NLGN1: variants seen among roughly 807,000 people sequenced by gnomAD.
NLGN1 encodes neuroligin-1.
NLGN1 carries 12 observed loss-of-function variants against 65.5 expected under a neutral mutation model. The ratio of observed to expected loss-of-function variants is 0.18; its 90% CI spans 0.12 to 0.30. NLGN1 has a LOEUF of 0.30. Among genes scored for constraint, NLGN1 ranks in the 10% least tolerant of loss-of-function variants. The pLI is 1.00. For missense variants in NLGN1, 750 were observed against 1,007.1 expected (o/e 0.74, Z 3.46); for synonymous variants, 350 against 359.5 (o/e 0.97, Z 0.30).
At chr3:174,167,970 T>G (rs952225513) in intron 4 of NLGN1, among the ~76,000 whole-genome samples, 1 of 152,096 alleles carries the variant, frequency 6.6e-6, no homozygotes, top group African/African-American at 2.4e-5. Flanking sequence ...ACTGAAATTA[T>G]TTTTTCTGTT....
At chr3:173,430,026 T>C (rs769978891) in intron 1 of NLGN1, among the ~76,000 whole-genome samples, 1 of 152,196 alleles carries the variant, frequency 6.6e-6, no homozygotes, top group Non-Finnish European at 1.5e-5. Context: ...CGGGCATTTA[T>C]GATGCTTCCT....
intron 2 of NLGN1, among the ~76,000 whole-genome samples, chr3:173,467,936 T>G (rs900721595): frequency 2.6e-5 from 4 of 152,120 alleles, no homozygotes; most frequent in African/African-American, 4.8e-5. Context: ...TTTGAGTAAA[T>G]TTTTGTTTTA....
Position 174,208,613 on chromosome 3 carries a change from A to T in NLGN1, c.647-66702A>T, listed in dbSNP as rs978259040. On this transcript the variant is annotated intron_variant, in intron 4 of 6. Coordinates refer to ENST00000457714, the Ensembl canonical transcript of NLGN1. ...TATTTATAAATCTGACAGCCTACTT[A>T]TATGTTGCCTTCAAAGAGGTACAAC... Among the ~76,000 whole-genome samples the T allele has an allele frequency of 8.6e-5, 13 of 151,520 alleles. No homozygotes were observed. The East Asian group carries it at 2.1e-3, about 25-fold the overall frequency.
intron 4 of NLGN1, among the ~76,000 whole-genome samples, chr3:173,857,699 T>G (rs1728272418): frequency 6.6e-6 from 1 of 151,696 alleles, no homozygotes; most frequent in Non-Finnish European, 1.5e-5. Flanking sequence ...ATCTTCAGGG[T>G]GTTACTCTTT....
intron 4 of NLGN1, among the ~76,000 whole-genome samples, chr3:174,062,142 C>A (rs1262314766): frequency 6.6e-6 from 1 of 151,960 alleles, no homozygotes; most frequent in Non-Finnish European, 1.5e-5. Flanking sequence ...TTAGGAATTT[C>A]AACTTAATTC....
chr3:173,797,693 C>CAAAAAAAAAAAAAAAA (rs1312419518), intron 3 of NLGN1, among the ~76,000 whole-genome samples: 1 of 56,450 alleles, frequency 1.8e-5, no homozygotes, highest in African/African-American at 5.3e-5. Flanking sequence ...ACAACAACAA[C>CAAAAAAAAAAAAAAAA]AACAACAAAA....
At chr3:173,904,229 A>T (rs368808826) in intron 4 of NLGN1, among the ~76,000 whole-genome samples, 14 of 152,180 alleles carry the variant, frequency 9.2e-5, no homozygotes, top group African/African-American at 3.4e-4. Context: ...TGATGTAAAT[A>T]TCTCCCTTTC....
chr3:174,258,765 A>G (rs1746277053), intron 4 of NLGN1, among the ~76,000 whole-genome samples: 1 of 152,188 alleles, frequency 6.6e-6, no homozygotes, highest in Non-Finnish European at 1.5e-5. Context: ...AATAAAGACC[A>G]ACGAACTGTT....
intron 2 of NLGN1, among the ~76,000 whole-genome samples, chr3:173,507,674 A>G (rs1196556023): frequency 2.0e-5 from 3 of 147,182 alleles, no homozygotes; most frequent in Non-Finnish European, 4.4e-5. Flanking sequence ...ACTTTCCCAA[A>G]TAGTGTGTGT....
intron 2 of NLGN1, among the ~76,000 whole-genome samples, chr3:173,455,674 G>T (rs1000933434): frequency 6.6e-6 from 1 of 151,904 alleles, no homozygotes; most frequent in Non-Finnish European, 1.5e-5. Flanking sequence ...GTATAATAAA[G>T]CAAACAACAA....
intron 3 of NLGN1, among the ~76,000 whole-genome samples, chr3:173,674,936 T>C (rs940309788): frequency 1.4e-4 from 22 of 151,912 alleles, no homozygotes; most frequent in African/African-American, 5.1e-4. Flanking sequence ...AAAAATTATA[T>C]TTTTTTCATG....
intron 2 of NLGN1, among the ~76,000 whole-genome samples, chr3:173,437,364 C>G (rs761511716): frequency 2.6e-5 from 4 of 152,182 alleles, no homozygotes; most frequent in Admixed American, 2.0e-4. Context: ...TGATTACTCA[C>G]TGTGACCAGA....
chr3:173,415,904 T>TATATATATATAC, intron 1 of NLGN1, among the ~76,000 whole-genome samples: 1 of 125,458 alleles, frequency 8.0e-6, no homozygotes, highest in Middle Eastern at 4.3e-3. Context: ...TATATATATA[T>TATATATATATAC]AGAGAGAGAG....
intron 4 of NLGN1, among the ~76,000 whole-genome samples, chr3:174,199,753 T>A (rs1278271225): frequency 2.0e-5 from 3 of 152,162 alleles, no homozygotes; most frequent in African/African-American, 7.2e-5. Flanking sequence ...TAGAATGGCA[T>A]TTATTAGATG....
chr3:173,796,674 C>T (rs1714147901), intron 3 of NLGN1, among the ~76,000 whole-genome samples: 1 of 152,118 alleles, frequency 6.6e-6, no homozygotes, highest in Non-Finnish European at 1.5e-5. Flanking sequence ...ATCACTTCTA[C>T]ACACTGGTTT....
At chr3:173,878,941 T>C (rs1422033186) in intron 4 of NLGN1, among the ~76,000 whole-genome samples, 1 of 151,898 alleles carries the variant, frequency 6.6e-6, no homozygotes, top group East Asian at 1.9e-4. Flanking sequence ...GTCAGAAATG[T>C]CTTATTGAGG....
chr3:174,126,317 C>A (rs574395669), intron 4 of NLGN1, among the ~76,000 whole-genome samples: 7 of 152,184 alleles, frequency 4.6e-5, no homozygotes, highest in South Asian at 4.1e-4. Flanking sequence ...TGAGGGCAAG[C>A]ACCAGACCAT....
intron 4 of NLGN1, among the ~76,000 whole-genome samples, chr3:174,218,049 CT>C (rs1737952697): frequency 6.6e-6 from 1 of 152,028 alleles, no homozygotes. Context: ...ACTCACAGCT[CT>C]TTTATGGCTT....
chr3:174,170,697 C>T (rs886156147), intron 4 of NLGN1, among the ~76,000 whole-genome samples: 1 of 152,056 alleles, frequency 6.6e-6, no homozygotes, highest in African/African-American at 2.4e-5. Flanking sequence ...ATGGCACTAG[C>T]TAATGTGCAT....
Sources: gnomAD v4.1 joint callset for allele counts (sites outside exome capture counted in the v4.1 genomes callset) on GRCh38, gnomAD v4.1.1 for gene constraint, MANE v1.5 for transcripts, NCBI Gene and HGNC (gene_info 2026-07-23, HGNC 2026-07-21) for gene names.